The following RARB variants were observed in gnomAD, a reference collection of about 807,000 sequenced individuals.
RARB encodes HBV-activated protein.
A neutral mutation model predicts 51.9 loss-of-function variants in RARB; 17 were observed. The observed-to-expected ratio is 0.33, with a 90% CI of 0.22 to 0.49. The LOEUF is 0.49. Among genes scored for constraint, RARB ranks in the 20% least tolerant of loss-of-function variants. RARB has a pLI of 0.99. For missense variants in RARB, 369 were observed against 550.8 expected (o/e 0.67, Z 3.30); for synonymous variants, 215 against 195.4 (o/e 1.10, Z -0.84).
In RARB at chr3:25,596,738, G is replaced by A. The variant is rs1575553988; in HGVS notation, c.*122G>A. The A allele has an allele frequency of 9.0e-6, 8 of 884,842 alleles. No individual in the cohort carries two copies. The East Asian group carries it at 2.1e-4, about 24-fold the overall frequency. 54.8% of individuals were successfully genotyped at this position (884,842 alleles called of 1,614,324 possible). On this transcript the variant is annotated 3_prime_UTR_variant, in exon 8 of 8. Coordinates refer to ENST00000330688, the MANE Select transcript of RARB (RefSeq NM_000965.5). ...TGAAAAGATATTAAAACTCAAGAAGGACCAAGAAGTTTTCATATGTATCAA... is the reference window on the plus strand; with the variant it reads ...TGAAAAGATATTAAAACTCAAGAAGAACCAAGAAGTTTTCATATGTATCAA...
intron 3 of RARB, among the ~76,000 whole-genome samples, chr3:25,067,737 T>A (rs1423931731): frequency 6.6e-6 from 1 of 152,212 alleles, no homozygotes; most frequent in Non-Finnish European, 1.5e-5. Flanking sequence ...GGTCTTTCCT[T>A]CTTTTTGCTT....
At chr3:25,308,105 C>T (rs1704196861) in intron 5 of RARB, among the ~76,000 whole-genome samples, 1 of 152,140 alleles carries the variant, frequency 6.6e-6, no homozygotes, top group African/African-American at 2.4e-5. Flanking sequence ...GCAGTGAGTG[C>T]AAGAGTAGAT....
intron 5 of RARB, among the ~76,000 whole-genome samples, chr3:25,321,475 T>G (rs953223113): frequency 1.6e-4 from 25 of 152,086 alleles, no homozygotes; most frequent in Admixed American, 1.1e-3. Flanking sequence ...CCCAGCACTT[T>G]GGGAGGCCGA....
At chr3:25,044,931 A>T (rs1031406733) in intron 2 of RARB, among the ~76,000 whole-genome samples, 1 of 152,150 alleles carries the variant, frequency 6.6e-6, no homozygotes, top group East Asian at 1.9e-4. Context: ...TTTATATCTG[A>T]CAGTTTATAG....
At chr3:25,201,053 A>G (rs1190528539) in intron 5 of RARB, among the ~76,000 whole-genome samples, 1 of 152,118 alleles carries the variant, frequency 6.6e-6, no homozygotes, top group African/African-American at 2.4e-5. Context: ...TTTTCACGAT[A>G]TTGATTCTTC....
chr3:24,857,356 C>T (rs1335347913), intron 1 of RARB, among the ~76,000 whole-genome samples: 2 of 152,154 alleles, frequency 1.3e-5, no homozygotes, highest in Non-Finnish European at 2.9e-5. Context: ...CTCCACTGCT[C>T]GTTCACCCAG....
Position 25,521,937 on chromosome 3 carries a change from C to G in RARB, c.448+20614C>G, listed in dbSNP as rs190224925. ...TGCTCCAAATACAGTAGAGAGAGAG[C>G]TGTTAAGTGGTTTTTGAACATAATG... is the stretch of plus-strand genomic sequence containing the variant. On this transcript the variant is annotated intron_variant, in intron 3 of 7. Coordinates refer to ENST00000330688, the MANE Select transcript of RARB (RefSeq NM_000965.5). Among the ~76,000 whole-genome samples the G allele has an allele frequency of 6.6e-5, 10 of 152,120 alleles. No individual in the cohort carries two copies. The East Asian group carries it at 1.9e-3, about 29-fold the overall frequency.
intron 3 of RARB, among the ~76,000 whole-genome samples, chr3:25,065,694 C>T (rs1455901935): frequency 6.6e-6 from 1 of 152,200 alleles, no homozygotes; most frequent in Non-Finnish European, 1.5e-5. Flanking sequence ...TTGAATGACA[C>T]TTCGTACCAT....
chr3:25,029,471 G>T (rs1187097320), intron 2 of RARB, among the ~76,000 whole-genome samples: 1 of 152,190 alleles, frequency 6.6e-6, no homozygotes, highest in Non-Finnish European at 1.5e-5. Flanking sequence ...CTGGTGACCT[G>T]GGAATAAATT....
In RARB at chr3:25,175,671, G is replaced by A. The variant is rs574690385; in HGVS notation, c.178+1096G>A. Among the ~76,000 whole-genome samples, 151 of 152,306 alleles carry A rather than the reference G, an allele frequency of 9.9e-4. 1 individual carries two copies. The highest frequency in any genetic ancestry group is 3.4e-3 in the Middle Eastern group (1 of 292). On this transcript the variant is annotated intron_variant, in intron 5 of 11. Transcript: ENST00000383772. ...CAGACTGACAGATAGGCAAACAGATGATAGACTTGCACTTTTGGGATGTTG... is the reference window on the plus strand; with the variant it reads ...CAGACTGACAGATAGGCAAACAGATAATAGACTTGCACTTTTGGGATGTTG...
At chr3:24,839,193 G>A (rs1323525423) in intron 1 of RARB, among the ~76,000 whole-genome samples, 1 of 152,056 alleles carries the variant, frequency 6.6e-6, no homozygotes, top group Non-Finnish European at 1.5e-5. Flanking sequence ...AGAAGTAAAA[G>A]TGCATGCAAC....
chr3:24,964,245 C>A (rs985303834), intron 2 of RARB, among the ~76,000 whole-genome samples: 8 of 151,790 alleles, frequency 5.3e-5, no homozygotes, highest in Non-Finnish European at 1.2e-4. Context: ...AAGGCTATTT[C>A]TATAGGAATT....
chr3:25,048,694 T>C (rs1404668901), intron 2 of RARB, among the ~76,000 whole-genome samples: 1 of 151,852 alleles, frequency 6.6e-6, no homozygotes, highest in Non-Finnish European at 1.5e-5. Context: ...TGGCCACACT[T>C]CCATAATTTT....
chr3:25,123,057 T>C (rs569658951), intron 3 of RARB, among the ~76,000 whole-genome samples: 4 of 152,080 alleles, frequency 2.6e-5, no homozygotes, highest in South Asian at 4.1e-4. Flanking sequence ...ACAATTCAAT[T>C]CTCCTGCATG....
chr3:25,333,132 C>T (rs905799736), intron 5 of RARB, among the ~76,000 whole-genome samples: 4 of 152,152 alleles, frequency 2.6e-5, no homozygotes, highest in African/African-American at 7.2e-5. Context: ...ATGCCATCCC[C>T]ATCAAGCTAC....
chr3:25,158,028 A>G (rs1424268378), intron 4 of RARB, among the ~76,000 whole-genome samples: 3 of 152,260 alleles, frequency 2.0e-5, no homozygotes, highest in African/African-American at 7.2e-5. Flanking sequence ...GTGTATAAAT[A>G]GCAATTTTCT....
chr3:24,908,654 A>ACCACAAC (rs1029480774), intron 2 of RARB, among the ~76,000 whole-genome samples: 1 of 143,110 alleles, frequency 7.0e-6, no homozygotes, highest in Non-Finnish European at 1.5e-5. Context: ...TCTTGAGGTA[A>ACCACAAC]CCACAACTGT....
chr3:25,411,344 A>T (rs1356072796), intron 5 of RARB, among the ~76,000 whole-genome samples: 1 of 152,206 alleles, frequency 6.6e-6, no homozygotes, highest in Admixed American at 6.5e-5. Flanking sequence ...AATGATAAAA[A>T]CAACTCTTGG....
intron 2 of RARB, among the ~76,000 whole-genome samples, chr3:25,044,588 C>T (rs769022866): frequency 6.6e-6 from 1 of 152,122 alleles, no homozygotes; most frequent in East Asian, 1.9e-4. Context: ...GGTACATGGC[C>T]GGCACATGCC....
Sources: gnomAD v4.1 joint callset for allele counts (sites outside exome capture counted in the v4.1 genomes callset) on GRCh38, gnomAD v4.1.1 for gene constraint, MANE v1.5 for transcripts, NCBI Gene and HGNC (gene_info 2026-07-23, HGNC 2026-07-21) for gene names.